The following IMMP2L variants were observed in gnomAD, a reference collection of about 807,000 sequenced individuals.
IMMP2L encodes the protein inner mitochondrial membrane peptidase subunit 2.
In IMMP2L, 18 loss-of-function variants were observed where a neutral mutation model predicts 19.3. That is an observed-to-expected ratio of 0.93 (90% CI 0.64 to 1.38). The LOEUF (loss-of-function observed/expected upper bound fraction) is 1.38. Among genes scored for constraint, IMMP2L ranks in the 40% most tolerant of loss-of-function variants. The pLI is 0.00. For synonymous variants in IMMP2L, 76 were observed against 73.0 expected, an observed-to-expected ratio of 1.04 and a Z score of -0.21; for missense variants, 233 against 218.2, an observed-to-expected ratio of 1.07 and a Z score of -0.43.
At chr7:111,498,280 A>C (rs1313400257) in intron 2 of IMMP2L, among the ~76,000 whole-genome samples, 1 of 152,150 alleles carries the variant, frequency 6.6e-6, no homozygotes, top group African/African-American at 2.4e-5. Context: ...AGCTATTCTA[A>C]TTTATAGTTC....
intron 4 of IMMP2L, among the ~76,000 whole-genome samples, chr7:110,940,544 G>A (rs946467139): frequency 6.6e-6 from 1 of 152,122 alleles, no homozygotes; most frequent in African/African-American, 2.4e-5. Flanking sequence ...GGCACATCAA[G>A]ATAGACTAAG....
At chr7:111,326,413 G>A (rs1465906816) in intron 3 of IMMP2L, among the ~76,000 whole-genome samples, 1 of 151,530 alleles carries the variant, frequency 6.6e-6, no homozygotes, top group Non-Finnish European at 1.5e-5. Flanking sequence ...CAAAATTATG[G>A]GCATGCATTC....
At chr7:110,785,226 T>C (rs1253156956) in intron 5 of IMMP2L, among the ~76,000 whole-genome samples, 3 of 151,960 alleles carry the variant, frequency 2.0e-5, no homozygotes, top group African/African-American at 7.2e-5. Flanking sequence ...CAGAAAAATA[T>C]CCCTGAAACA....
At chr7:111,281,148 CAGAAAGACAGAAAGAA>C (rs1185157704) in intron 3 of IMMP2L, among the ~76,000 whole-genome samples, 1,065 of 55,114 alleles carry the variant, frequency 0.019, 13 homozygotes, top group East Asian at 0.047. Context: ...GACAGAAAGA[CAGAAAGACAGAAAGAA>C]AGAAAGAAAG....
intron 3 of IMMP2L, among the ~76,000 whole-genome samples, chr7:111,366,772 T>C (rs1563107124): frequency 6.6e-6 from 1 of 152,018 alleles, no homozygotes; most frequent in African/African-American, 2.4e-5. Flanking sequence ...ATTCTCTCTA[T>C]ACATATGCAT....
chr7:111,386,123 C>A (rs2131280238), intron 3 of IMMP2L, among the ~76,000 whole-genome samples: 1 of 152,010 alleles, frequency 6.6e-6, no homozygotes, highest in Middle Eastern at 3.4e-3. Flanking sequence ...GACAAACCTC[C>A]CACCACAGCC....
At chr7:111,453,530 A>G (rs1839411441) in intron 3 of IMMP2L, among the ~76,000 whole-genome samples, 1 of 152,184 alleles carries the variant, frequency 6.6e-6, no homozygotes. Flanking sequence ...TCATATCGGT[A>G]TCATTGGAGC....
intron 3 of IMMP2L, among the ~76,000 whole-genome samples, chr7:111,048,238 C>CAA (rs575701337): frequency 0.18 from 3,274 of 18,180 alleles, 332 homozygotes; most frequent in Middle Eastern, 0.28. Context: ...GACTCTGTCT[C>CAA]AAAAAAAAAA....
intron 3 of IMMP2L, among the ~76,000 whole-genome samples, chr7:111,121,890 A>G (rs1043316977): frequency 6.6e-6 from 1 of 152,190 alleles, no homozygotes; most frequent in Non-Finnish European, 1.5e-5. Flanking sequence ...ATGGAATACT[A>G]TGCAGCCATA....
chr7:110,861,116 A>T (rs958641640), intron 5 of IMMP2L, among the ~76,000 whole-genome samples: 4 of 147,108 alleles, frequency 2.7e-5, no homozygotes, highest in South Asian at 4.4e-4. Context: ...AGAGAGAGAG[A>T]GAGAGAGAGA....
chr7:110,830,613 T>G (rs1407301637), intron 5 of IMMP2L, among the ~76,000 whole-genome samples: 11 of 152,244 alleles, frequency 7.2e-5, no homozygotes, highest in Admixed American at 7.2e-4. Context: ...ATTTTAAAAA[T>G]GCACTCAGTG....
chr7:111,253,596 T>C (rs1816381465), intron 3 of IMMP2L, among the ~76,000 whole-genome samples: 1 of 152,104 alleles, frequency 6.6e-6, no homozygotes, highest in African/African-American at 2.4e-5. Flanking sequence ...GTAACACCAA[T>C]GGTCTGAGGA....
chr7:110,962,477 T>G, intron 4 of IMMP2L: 1 of 152,226 alleles, frequency 6.6e-6, no homozygotes, highest in African/African-American at 2.4e-5. Flanking sequence ...CTTTTTAGTT[T>G]CTGGCTTAAT....
At chr7:110,893,044 C>T (rs1810967755) in intron 4 of IMMP2L, among the ~76,000 whole-genome samples, 2 of 152,178 alleles carry the variant, frequency 1.3e-5, no homozygotes, top group East Asian at 3.9e-4. Flanking sequence ...CAATTGCAGA[C>T]CACCTCAATC....
chr7:110,806,984 T>C (rs1300161500), intron 5 of IMMP2L, among the ~76,000 whole-genome samples: 5 of 151,994 alleles, frequency 3.3e-5, no homozygotes, highest in Admixed American at 2.0e-4. Flanking sequence ...ATTACCTTTG[T>C]ATATGTCTGT....
intron 5 of IMMP2L, among the ~76,000 whole-genome samples, chr7:110,774,064 G>A (rs1799218413): frequency 6.6e-6 from 1 of 151,912 alleles, no homozygotes. Flanking sequence ...CAATACTATG[G>A]GAAGGGGGAA....
intron 5 of IMMP2L, among the ~76,000 whole-genome samples, chr7:110,816,462 T>C (rs925307694): frequency 5.3e-5 from 8 of 151,908 alleles, no homozygotes; most frequent in Admixed American, 1.3e-4. Flanking sequence ...GGTGGAGAGT[T>C]CTGTAGATGT....
intron 3 of IMMP2L, among the ~76,000 whole-genome samples, chr7:111,206,127 T>C (rs925553562): frequency 6.6e-6 from 1 of 152,198 alleles, no homozygotes; most frequent in African/African-American, 2.4e-5. Flanking sequence ...AACCCTATCT[T>C]ATTCTTACAC....
At chr7:111,198,638 T>A (rs1809758289) in intron 3 of IMMP2L, among the ~76,000 whole-genome samples, 1 of 152,192 alleles carries the variant, frequency 6.6e-6, no homozygotes, top group South Asian at 2.1e-4. Context: ...CTTCTACAAA[T>A]GATGCCTTTT....
Sources: gnomAD v4.1 joint callset for allele counts (sites outside exome capture counted in the v4.1 genomes callset) on GRCh38, gnomAD v4.1.1 for gene constraint, MANE v1.5 for transcripts, NCBI Gene and HGNC (gene_info 2026-07-23, HGNC 2026-07-21) for gene names.